The following ZNF592 variants were observed in gnomAD, a reference collection of about 807,000 sequenced individuals.
ZNF592 encodes the protein zinc finger protein 592.
Under a neutral mutation model 80.3 loss-of-function variants are expected in ZNF592, and 11 were observed. The ratio of observed to expected loss-of-function variants is 0.14; its 90% CI spans 0.09 to 0.23. ZNF592 has a LOEUF of 0.23. Among genes scored for constraint, ZNF592 ranks in the 10% least tolerant of loss-of-function variants. The probability of loss-of-function intolerance (pLI) is 1.00; values close to 1 mark genes in which losing one functional copy is unlikely to be tolerated. For missense variants in ZNF592, 1,420 were observed against 1,633.9 expected, an observed-to-expected ratio of 0.87 and a Z score of 2.26; for synonymous variants, 646 against 640.3, an observed-to-expected ratio of 1.01 and a Z score of -0.13.
chr15:84,749,093 G>T (rs144446799), intron 1 of ZNF592, among the ~76,000 whole-genome samples: 1 of 152,340 alleles, frequency 6.6e-6, no homozygotes, highest in Non-Finnish European at 1.5e-5. Flanking sequence ...AGCTGTCGCC[G>T]TCACAGGGCA....
At chr15:84,800,039 C>T in intron 10 of ZNF592, 62 bp downstream of exon 10, 4 of 1,611,786 alleles carry the variant, frequency 2.5e-6, no homozygotes, top group Non-Finnish European at 3.4e-6. Flanking sequence ...GCTGGAAGGG[C>T]ATTAGGAAGG....
At chr15:84,800,730 C>G (rs565460870) in intron 10 of ZNF592, among the ~76,000 whole-genome samples, 1 of 152,314 alleles carries the variant, frequency 6.6e-6, no homozygotes, top group East Asian at 1.9e-4. Flanking sequence ...CCTCCCTTCC[C>G]CCAAAATGCA....
chr15:84,789,995 C>G (rs1962696641), intron 4 of ZNF592, among the ~76,000 whole-genome samples: 1 of 152,200 alleles, frequency 6.6e-6, no homozygotes, highest in African/African-American at 2.4e-5. Flanking sequence ...CTGGTTTTCT[C>G]CTGGGGCTGG....
intron 3 of ZNF592, among the ~76,000 whole-genome samples, chr15:84,780,041 C>CA (rs1381363711): frequency 1.4e-5 from 2 of 142,640 alleles, no homozygotes; most frequent in Non-Finnish European, 3.0e-5. Context: ...GGCTGGAGTG[C>CA]AGTGGCAAGA....
chr15:84,755,938 T>G (rs1419899311), intron 1 of ZNF592, among the ~76,000 whole-genome samples: 1 of 152,164 alleles, frequency 6.6e-6, no homozygotes, highest in Non-Finnish European at 1.5e-5. Context: ...GAGGAGCTGA[T>G]GAGTAGAGTG....
At chr15:84,789,339 A>G (rs1962677648) in intron 4 of ZNF592, among the ~76,000 whole-genome samples, 1 of 151,900 alleles carries the variant, frequency 6.6e-6, no homozygotes, top group Non-Finnish European at 1.5e-5. Context: ...CCATTGATGG[A>G]TACTTGGGTT....
chr15:84,805,807 C>G lies in ZNF592; in HGVS notation c.*3414C>G, dbSNP rs1309658359. On this transcript the variant is annotated 3_prime_UTR_variant, in exon 11 of 11. Coordinates refer to ENST00000560079, the MANE Select transcript of ZNF592 (RefSeq NM_014630.3). ...ACATTCCACAATACAAAAGGGTATA[C>G]AATAAATGGTAAGCTTCCCCATGGA... The G allele has an allele frequency of 6.6e-6, 1 of 152,550 alleles. No individual in the cohort carries two copies. Among genetic ancestry groups the G allele is most frequent in the Non-Finnish European group, 1.5e-5 (1 of 68,036 alleles). 9.4% of individuals were successfully genotyped at this position (152,550 alleles called of 1,614,324 possible).
At chr15:84,751,432 C>T (rs887137985) in intron 1 of ZNF592, among the ~76,000 whole-genome samples, 17 of 152,220 alleles carry the variant, frequency 1.1e-4, no homozygotes, top group African/African-American at 4.1e-4. Context: ...CACTTGCTAA[C>T]CAATGATCTT....
chr15:84,787,987 A>C (rs1415832708), intron 4 of ZNF592, among the ~76,000 whole-genome samples: 2 of 152,082 alleles, frequency 1.3e-5, no homozygotes, highest in Non-Finnish European at 2.9e-5. Context: ...GGTTTAACTG[A>C]TTGCTTCCTA....
Position 84,759,968 on chromosome 15 carries a change from C to CG in ZNF592, c.-258-4739_-258-4738insG, listed in dbSNP as rs1330765317. 7.2e-4 allele frequency among the ~76,000 whole-genome samples: 16 copies of CG among 22,358 alleles called. No homozygotes were observed. The East Asian group carries it at 0.019, about 26-fold the overall frequency. 14.7% of individuals were successfully genotyped at this position (22,358 alleles called of 152,430 possible). A position where few individuals can be genotyped will look rare whatever the true frequency, so the allele number is the denominator to read the frequency against. ...ATTGGGGAGATTCCCCCCCCCCCCA[C>CG]CCTGCCATTTAAAAAGTAATATGTG... is the stretch of plus-strand genomic sequence containing the variant. On this transcript the variant is annotated intron_variant, in intron 1 of 10. Coordinates refer to ENST00000560079, the MANE Select transcript of ZNF592 (RefSeq NM_014630.3).
Position 84,799,119 on chromosome 15 carries a change from C to A in ZNF592, c.3046C>A (p.Arg1016=). 1.2e-6 allele frequency: 2 copies of A among 1,614,144 alleles called. No homozygotes were observed. The highest frequency in any genetic ancestry group is 1.7e-6 in the Non-Finnish European group (2 of 1,180,012). The change falls in exon 9 of 11, where the codon CGG becomes AGG. Residue 1016 remains arginine, a synonymous_variant. Transcript: ENST00000560079. This position sits in a 1 kb window ranked among gnomAD's most constrained non-coding sequence, Gnocchi z 4.2. ...HGRTLKRYPC[R]QCEQSFHTPN... is the part of the protein sequence containing the mutation. ...TTAGACATTGAAGCGGTACCCATGC[C>A]GGCAGTGTGAACAGTCCTTCCACAC...
chr15:84,784,214 C>T lies in ZNF592; in HGVS notation c.1539C>T (p.His513=). ...TGGCCAACCTGAACCTCGTCCCCCA[C>T]AGTGTTGCTGCATCAGTGACAGCCA... ...VHLANLNLVP[H]SVAASVTAKS... Residue 513 remains histidine (H), a synonymous_variant, in exon 4 of 11, where the codon CAC becomes CAT. Transcript: ENST00000560079. This position sits in a 1 kb window ranked among gnomAD's most constrained non-coding sequence, Gnocchi z 5.8. 6.2e-7 allele frequency: 1 copy of T among 1,614,242 alleles called. No homozygotes were observed. Among genetic ancestry groups the T allele is most frequent in the Non-Finnish European group, 8.5e-7 (1 of 1,180,050 alleles).
Position 84,782,777 on chromosome 15 carries a change from T to G in ZNF592, c.102T>G (p.Ser34Arg). 1 of 1,614,086 alleles carries G rather than the reference T, an allele frequency of 6.2e-7. No individual in the cohort carries two copies. Among genetic ancestry groups the G allele is most frequent in the Non-Finnish European group, 8.5e-7 (1 of 1,180,014 alleles). ...CCAAGGAGGCCATCCAGACACCCAG[T>G]GAGGAGAATGAGAGTCCCCTCAAAC... The part of the protein sequence containing the change: ...LDAKEAIQTP[S>R]EENESPLKPP... Residue 34 changes from serine to arginine, a missense_variant, in exon 4 of 11, where the codon AGT becomes AGG. Ser to Arg is a moderately radical substitution (Grantham distance 110). This residue lies in a region of ZNF592 where 373 missense variants were observed against 355.5 expected (regional missense o/e 1.05). Transcript: ENST00000560079.
intron 1 of ZNF592, among the ~76,000 whole-genome samples, chr15:84,750,489 T>C (rs1898983387): frequency 6.6e-6 from 1 of 151,888 alleles, no homozygotes; most frequent in Non-Finnish European, 1.5e-5. Context: ...TTAAAAAGTG[T>C]GAAATGCTAA....
At chr15:84,789,252 A>G (rs1457734650) in intron 4 of ZNF592, among the ~76,000 whole-genome samples, 1 of 152,066 alleles carries the variant, frequency 6.6e-6, no homozygotes, top group African/African-American at 2.4e-5. Context: ...TCAAAAAAAA[A>G]AAAAAAGTCC....
intron 2 of ZNF592, among the ~76,000 whole-genome samples, chr15:84,765,741 G>A (rs572688199): frequency 6.6e-6 from 1 of 151,902 alleles, no homozygotes; most frequent in Non-Finnish European, 1.5e-5. Context: ...GTTTCACCAT[G>A]TTGGCCAGGA....
intron 1 of ZNF592, among the ~76,000 whole-genome samples, chr15:84,762,132 T>C (rs2141965288): frequency 6.6e-6 from 1 of 152,354 alleles, no homozygotes; most frequent in African/African-American, 2.4e-5. Flanking sequence ...TGGTCTGCTA[T>C]GTGCCAGGCA....
intron 1 of ZNF592, among the ~76,000 whole-genome samples, chr15:84,762,999 G>A (rs1175127695): frequency 6.6e-5 from 10 of 152,196 alleles, no homozygotes; most frequent in Non-Finnish European, 1.3e-4. Context: ...ATTATGGCAA[G>A]GGCTGTGGTG....
intron 2 of ZNF592, among the ~76,000 whole-genome samples, chr15:84,765,030 T>A (rs1899465906): frequency 6.6e-6 from 1 of 152,148 alleles, no homozygotes. Context: ...CAGAACCTGA[T>A]ATCATCTCAT....
Sources: allele counts gnomAD v4.1 joint callset (sites outside exome capture counted in the v4.1 genomes callset), GRCh38; gene constraint gnomAD v4.1.1; regional missense constraint gnomAD v4.1.1; non-coding constraint Gnocchi (gnomAD v3.1); transcripts MANE v1.5; gene names NCBI Gene and HGNC (gene_info 2026-07-23, HGNC 2026-07-21).